SGCD: variants seen among roughly 807,000 people sequenced by gnomAD.
SGCD encodes the protein sarcoglycan delta.
Under a neutral mutation model 36.6 loss-of-function variants are expected in SGCD, and 18 were observed. That is an observed-to-expected ratio of 0.49 (90% CI 0.34 to 0.73). The LOEUF is 0.73. Ranked by LOEUF, SGCD falls within the 30% of genes least tolerant of loss-of-function variation. SGCD has a pLI of 0.01. For missense variants in SGCD, 387 were observed against 346.7 expected (o/e 1.12, Z -0.92); for synonymous variants, 133 against 130.6 (o/e 1.02, Z -0.12).
chr5:156,482,717 A>G (rs1415076573), intron 3 of SGCD, among the ~76,000 whole-genome samples: 1 of 152,162 alleles, frequency 6.6e-6, no homozygotes, highest in African/African-American at 2.4e-5. Flanking sequence ...AATAACATTT[A>G]TAAAACACTT....
At chr5:155,990,135 A>G (rs905675337) in intron 1 of SGCD, among the ~76,000 whole-genome samples, 1 of 152,174 alleles carries the variant, frequency 6.6e-6, no homozygotes, top group African/African-American at 2.4e-5. Flanking sequence ...GTTTCCATGT[A>G]GTGAAAAAAG....
chr5:156,178,154 G>A (rs777034570), intron 3 of SGCD, among the ~76,000 whole-genome samples: 9 of 152,058 alleles, frequency 5.9e-5, no homozygotes, highest in Middle Eastern at 3.4e-3. Flanking sequence ...TGATTGTGTG[G>A]GTATTCAAAG....
rs576720842 is a variant in SGCD, at chr5:156,392,732, A to C, written c.192+48055A>C. Among the ~76,000 whole-genome samples, 114 of 152,312 alleles carry C rather than the reference A, an allele frequency of 7.5e-4. 1 individual carries two copies. Among genetic ancestry groups the C allele is most frequent in the Admixed American group, 4.9e-3 (75 of 15,308 alleles). On this transcript the variant is annotated intron_variant, in intron 3 of 8. Transcript: ENST00000337851. Reference sequence around the variant, plus strand: ...GTAGCTCTCAGCAGGTAGGGTAGCCAGAAGGCAGATAGTTTTCCCTTGGAG... The same window carrying C: ...GTAGCTCTCAGCAGGTAGGGTAGCCCGAAGGCAGATAGTTTTCCCTTGGAG...
At chr5:156,726,917 G>A (rs1414533662) in intron 7 of SGCD, among the ~76,000 whole-genome samples, 1 of 152,150 alleles carries the variant, frequency 6.6e-6, no homozygotes, top group Non-Finnish European at 1.5e-5. Flanking sequence ...CAGTTTTCTG[G>A]ATGCAAAACA....
chr5:156,561,034 A>G (rs1759245681), intron 4 of SGCD, among the ~76,000 whole-genome samples: 1 of 152,224 alleles, frequency 6.6e-6, no homozygotes, highest in Non-Finnish European at 1.5e-5. Context: ...CTCATCAATT[A>G]GAATTCATTC....
At chr5:156,252,293 T>A (rs887703490) in intron 3 of SGCD, among the ~76,000 whole-genome samples, 8 of 151,858 alleles carry the variant, frequency 5.3e-5, no homozygotes, top group Non-Finnish European at 1.2e-4. Flanking sequence ...GTCAGGGTGG[T>A]CTCGAACTTC....
intron 7 of SGCD, among the ~76,000 whole-genome samples, chr5:156,650,756 A>T (rs150692088): frequency 4.5e-4 from 68 of 151,962 alleles, no homozygotes; most frequent in African/African-American, 1.6e-3. Context: ...ACCTAGGTTG[A>T]TTTTTGTGTC....
chr5:156,646,112 T>C (rs1435575106), intron 6 of SGCD, among the ~76,000 whole-genome samples: 2 of 152,138 alleles, frequency 1.3e-5, no homozygotes, highest in Non-Finnish European at 2.9e-5. Context: ...TGTCCTCCAG[T>C]ATGTGGAACA....
At chr5:156,572,614 C>A (rs958627641) in intron 4 of SGCD, among the ~76,000 whole-genome samples, 25 of 152,190 alleles carry the variant, frequency 1.6e-4, no homozygotes, top group African/African-American at 5.8e-4. Context: ...GGCCATATTT[C>A]TTAAGTAGAC....
chr5:155,895,300 T>C (rs112587296), intron 1 of SGCD, among the ~76,000 whole-genome samples: 108 of 152,364 alleles, frequency 7.1e-4, no homozygotes, highest in African/African-American at 2.2e-3. Flanking sequence ...AATTAAGTGC[T>C]GTCTGATTGG....
chr5:156,447,596 GA>G (rs1323388766), intron 3 of SGCD, among the ~76,000 whole-genome samples: 10 of 152,072 alleles, frequency 6.6e-5, no homozygotes, highest in Admixed American at 1.3e-4. Context: ...AGTAGGAGCC[GA>G]ACAACAAGAA....
chr5:156,088,855 G>T (rs142524200), intron 1 of SGCD, among the ~76,000 whole-genome samples: 1 of 152,144 alleles, frequency 6.6e-6, no homozygotes, highest in Non-Finnish European at 1.5e-5. Context: ...AGCCTCCTCT[G>T]TGGGGTCAAG....
intron 4 of SGCD, among the ~76,000 whole-genome samples, chr5:156,582,527 G>A (rs1415068980): frequency 2.6e-5 from 4 of 152,248 alleles, no homozygotes; most frequent in East Asian, 1.9e-4. Context: ...GTTACACTCC[G>A]TTGCTTTGGG....
chr5:155,931,611 C>T (rs1757098984), intron 1 of SGCD, among the ~76,000 whole-genome samples: 1 of 152,134 alleles, frequency 6.6e-6, no homozygotes, highest in South Asian at 2.1e-4. Flanking sequence ...TGGTATCCCA[C>T]TAATACATTT....
intron 1 of SGCD, among the ~76,000 whole-genome samples, chr5:155,925,961 C>G (rs1272959833): frequency 2.0e-5 from 3 of 151,942 alleles, no homozygotes; most frequent in Admixed American, 6.6e-5. Flanking sequence ...CAGGGTCTCC[C>G]TCTGTTGACC....
the SGCD span, among the ~76,000 whole-genome samples, chr5:155,783,763 A>G: frequency 6.6e-6 from 1 of 152,182 alleles, no homozygotes; most frequent in Admixed American, 6.5e-5. Context: ...ATTCCAGGAA[A>G]GTGGAAGCTC....
At chr5:156,261,794 G>T (rs1457789995) in intron 3 of SGCD, among the ~76,000 whole-genome samples, 5 of 152,138 alleles carry the variant, frequency 3.3e-5, no homozygotes, top group African/African-American at 1.2e-4. Context: ...TGATGTTGAT[G>T]ATCCTGACCC....
rs527344215 is a variant in SGCD at position 156,153,340 on chromosome 5, G to A, written c.-44+29321G>A. Among the ~76,000 whole-genome samples, 69 of 151,276 alleles carry A rather than the reference G, an allele frequency of 4.6e-4. No homozygotes were observed. The South Asian group carries it at 0.012, about 27-fold the overall frequency. ...TCCAGGCTGTGATGAGGTTTTTAAC[G>A]TGGGCCTTGGTTTTAAATAATGCTT... On this transcript the variant is annotated intron_variant, in intron 3 of 9. Transcript: ENST00000517913.
At chr5:156,319,282 A>G (rs900547980) in intron 3 of SGCD, among the ~76,000 whole-genome samples, 1 of 152,196 alleles carries the variant, frequency 6.6e-6, no homozygotes, top group Non-Finnish European at 1.5e-5. Flanking sequence ...ATTAAACCCT[A>G]CAATCCACTG....
Sources: allele counts gnomAD v4.1 joint callset (sites outside exome capture counted in the v4.1 genomes callset), GRCh38; gene constraint gnomAD v4.1.1; transcripts MANE v1.5; gene names NCBI Gene and HGNC (gene_info 2026-07-23, HGNC 2026-07-21).